Variants in PHF24 observed in about 807,000 individuals in gnomAD.
PHF24 encodes PHD finger protein 24.
PHF24 carries 25 observed loss-of-function variants against 42.6 expected under a neutral mutation model. That is an observed-to-expected ratio of 0.59 (90% CI 0.43 to 0.82). The LOEUF (loss-of-function observed/expected upper bound fraction) is 0.82, where lower values mean the gene tolerates loss of function less well. Ranked by LOEUF, PHF24 falls within the 40% of genes least tolerant of loss-of-function variation. The probability of loss-of-function intolerance (pLI) is 0.00; values close to 1 mark genes in which losing one functional copy is unlikely to be tolerated. For missense variants in PHF24, 470 were observed against 538.1 expected (o/e 0.87, Z 1.25); for synonymous variants, 185 against 204.8 (o/e 0.90, Z 0.83).
chr9:34,932,748 G>T, the PHF24 span, among the ~76,000 whole-genome samples: 1 of 151,178 alleles, frequency 6.6e-6, no homozygotes, highest in African/African-American at 2.4e-5. Context: ...ATATACTTAA[G>T]TAATTTTATA....
the PHF24 span, among the ~76,000 whole-genome samples, chr9:34,813,046 A>G: frequency 1.3e-5 from 2 of 152,218 alleles, no homozygotes; most frequent in Admixed American, 1.3e-4. Context: ...ACATAAAGAT[A>G]CTTTACAGTT....
chr9:34,666,064 C>T, the PHF24 span: 12 of 264,232 alleles, frequency 4.5e-5, no homozygotes, highest in Non-Finnish European at 6.6e-5. Context: ...ACTATTACGT[C>T]ACAGGGATGC....
At chr9:34,780,298 C>CTTTTTTTTTTTTTTTTTTTTTTTTTTT in the PHF24 span, among the ~76,000 whole-genome samples, 10 of 63,914 alleles carry the variant, frequency 1.6e-4, no homozygotes, top group East Asian at 3.2e-4. Context: ...TTCTTTTTTT[C>CTTTTTTTTTTTTTTTTTTTTTTTTTTT]TTTTTTTTTT....
chr9:34,842,161 A>G, the PHF24 span, among the ~76,000 whole-genome samples: 9 of 152,214 alleles, frequency 5.9e-5, no homozygotes, highest in Admixed American at 4.6e-4. Context: ...TTTGTATATT[A>G]TTAGTTCATT....
the PHF24 span, among the ~76,000 whole-genome samples, chr9:34,796,197 A>G: frequency 6.6e-6 from 1 of 152,212 alleles, no homozygotes; most frequent in East Asian, 1.9e-4. Context: ...CTTAACCTAA[A>G]CTTCTCACTT....
the PHF24 span, chr9:34,678,304 T>C: frequency 6.6e-6 from 1 of 152,318 alleles, no homozygotes; most frequent in Non-Finnish European, 1.5e-5. Flanking sequence ...CCCCTTTATA[T>C]ATTTTCTTTC....
exon 8 of PHF24, chr9:34,981,374 C>T (rs892465574): frequency 6.6e-6 from 1 of 152,202 alleles, no homozygotes; most frequent in African/African-American, 2.4e-5. Context: ...GGGAGTGAGC[C>T]CCAAGGTTAT....
the PHF24 span, among the ~76,000 whole-genome samples, chr9:34,728,992 C>T: frequency 1.3e-5 from 2 of 152,132 alleles, no homozygotes; most frequent in South Asian, 2.1e-4. Context: ...ACAAAGCCCA[C>T]CAACCGGAAA....
the PHF24 span, among the ~76,000 whole-genome samples, chr9:34,775,708 T>G: frequency 6.6e-6 from 1 of 152,316 alleles, no homozygotes; most frequent in Admixed American, 6.5e-5. Flanking sequence ...CCCAAAGGGT[T>G]AAACATAGGT....
At chr9:34,830,124 C>G in the PHF24 span, among the ~76,000 whole-genome samples, 12 of 152,176 alleles carry the variant, frequency 7.9e-5, no homozygotes, top group Non-Finnish European at 1.5e-4. Context: ...TGTTAAGTAA[C>G]TTGTCAAATC....
the PHF24 span, among the ~76,000 whole-genome samples, chr9:34,705,560 C>T: frequency 2.0e-5 from 3 of 152,296 alleles, no homozygotes; most frequent in Non-Finnish European, 2.9e-5. Context: ...GGATTACAGG[C>T]GTAAGCCACT....
At chr9:34,801,001 G>A in the PHF24 span, among the ~76,000 whole-genome samples, 1 of 152,008 alleles carries the variant, frequency 6.6e-6, no homozygotes, top group Non-Finnish European at 1.5e-5. Context: ...AGTGGGCAAA[G>A]GATATGAACA....
the PHF24 span, among the ~76,000 whole-genome samples, chr9:34,842,804 T>G: frequency 6.6e-6 from 1 of 152,260 alleles, no homozygotes; most frequent in Admixed American, 6.5e-5. Context: ...ATTTCCAAAC[T>G]GTTTTCCAAG....
At chr9:34,890,262 G>A in the PHF24 span, among the ~76,000 whole-genome samples, 1 of 152,204 alleles carries the variant, frequency 6.6e-6, no homozygotes, top group African/African-American at 2.4e-5. Flanking sequence ...CTCCAGTGCT[G>A]TCCAGACACC....
exon 8 of PHF24, chr9:34,980,047 T>G (rs1345711883): frequency 6.6e-6 from 1 of 152,172 alleles, no homozygotes; most frequent in African/African-American, 2.4e-5. Context: ...TCCTGGCAAA[T>G]CATCTCCTGT....
the PHF24 span, among the ~76,000 whole-genome samples, chr9:34,694,792 A>T: frequency 6.6e-6 from 1 of 152,190 alleles, no homozygotes; most frequent in African/African-American, 2.4e-5. Context: ...AAGCCTTTGT[A>T]TGATAATGGT....
At chr9:34,724,286 G>C in the PHF24 span, 110 of 1,551,370 alleles carry the variant, frequency 7.1e-5, no homozygotes, top group Non-Finnish European at 9.0e-5. Context: ...AGAACCCTGG[G>C]GTACAGCTTT....
chr9:34,824,649 A>C, the PHF24 span, among the ~76,000 whole-genome samples: 4 of 152,150 alleles, frequency 2.6e-5, no homozygotes, highest in Middle Eastern at 3.4e-3. Context: ...CAAAGAGATA[A>C]ATTTTGTGTT....
chr9:34,888,663 A>G, the PHF24 span, among the ~76,000 whole-genome samples: 1 of 152,240 alleles, frequency 6.6e-6, no homozygotes, highest in Non-Finnish European at 1.5e-5. Context: ...AAGGAGCACC[A>G]TGGCACTCTA....
Sources: gnomAD v4.1 joint callset for allele counts (sites outside exome capture counted in the v4.1 genomes callset) on GRCh38, gnomAD v4.1.1 for gene constraint, MANE v1.5 for transcripts, NCBI Gene and HGNC (gene_info 2026-07-23, HGNC 2026-07-21) for gene names.